Variants in FBXL4 observed in about 807,000 individuals in gnomAD.
FBXL4 encodes F-box/LRR-repeat protein 4.
FBXL4 carries 40 observed loss-of-function variants against 58.9 expected under a neutral mutation model. The observed-to-expected ratio is 0.68, with a 90% confidence interval of 0.53 to 0.88. The LOEUF (loss-of-function observed/expected upper bound fraction) is 0.88. Ranked by LOEUF, FBXL4 falls within the 40% of genes least tolerant of loss-of-function variation. The pLI, the probability that FBXL4 is intolerant of heterozygous loss-of-function variation, is 0.00. For synonymous variants in FBXL4, 263 were observed against 265.5 expected (o/e 0.99, Z 0.09); for missense variants, 676 against 734.4 (o/e 0.92, Z 0.92).
chr6:98,912,303 T>A (rs1237123796), intron 5 of FBXL4, among the ~76,000 whole-genome samples: 2 of 152,060 alleles, frequency 1.3e-5, no homozygotes, highest in African/African-American at 4.8e-5. Flanking sequence ...AGGCCAACAT[T>A]CAGATTCAGG....
intron 4 of FBXL4, among the ~76,000 whole-genome samples, chr6:98,920,898 G>A (rs1284118251): frequency 6.6e-6 from 1 of 151,562 alleles, no homozygotes; most frequent in African/African-American, 2.4e-5. Flanking sequence ...TAGCCCCAGG[G>A]CAGTGTTGAT....
At position 98,871,284 on chromosome 6, in the gene FBXL4, T is replaced by G. The variant is rs1770484532; in HGVS notation, c.*2994A>C. On this transcript the variant is annotated 3_prime_UTR_variant, in exon 10 of 10. Coordinates refer to ENST00000369244, the MANE Select transcript of FBXL4 (RefSeq NM_001278716.2). ...TGGTTGCTTAAAGAATTGAGAACAC[T>G]GGGAACAACATCAACAGTCAATAAA... The G allele has an allele frequency of 1.3e-5, 2 of 152,202 alleles. No homozygotes were observed. The highest frequency in any genetic ancestry group is 4.1e-4 in the South Asian group (2 of 4,824). 9.4% of individuals were successfully genotyped at this position (152,202 alleles called of 1,614,324 possible). A position where few individuals can be genotyped will look rare whatever the true frequency, so the allele number is the denominator to read the frequency against.
intron 2 of FBXL4, among the ~76,000 whole-genome samples, chr6:98,928,860 G>A (rs138534985): frequency 1.3e-5 from 2 of 152,062 alleles, no homozygotes; most frequent in African/African-American, 4.8e-5. Context: ...ACCACTCTTC[G>A]TATTTTACGT....
chr6:98,885,853 G>C (rs572134055), intron 7 of FBXL4, among the ~76,000 whole-genome samples: 2 of 152,298 alleles, frequency 1.3e-5, no homozygotes, highest in African/African-American at 4.8e-5. Context: ...TAAAAAGGCT[G>C]TGGCTCCTGT....
chr6:98,882,391 A>G (rs769735503), intron 7 of FBXL4, among the ~76,000 whole-genome samples: 4 of 152,020 alleles, frequency 2.6e-5, no homozygotes, highest in Non-Finnish European at 5.9e-5. Context: ...AGCACATAAT[A>G]TTGTTCTACA....
chr6:98,898,979 C>T, intron 7 of FBXL4: 1 of 985,364 alleles, frequency 1.0e-6, no homozygotes, highest in African/African-American at 1.7e-5. Context: ...CATTCCCTGC[C>T]AGCATTTTGG....
rs1486946507 is a variant in FBXL4, at chr6:98,893,812, CTG to C, written c.1317+5454_1317+5455del. Among the ~76,000 whole-genome samples the C allele has an allele frequency of 5.3e-5, 8 of 151,176 alleles. No individual in the cohort carries two copies. In the East Asian group the frequency reaches 7.7e-4, roughly 15 times the overall value. On this transcript the variant is annotated intron_variant, in intron 7 of 9. Coordinates refer to ENST00000369244, the MANE Select transcript of FBXL4 (RefSeq NM_001278716.2). Reference sequence around the variant, plus strand: ...GAAATCATTTTTTTTTTCAATTTCTCTGTAAGTCGGAAATTATTTCAAAATAA... The same window carrying C: ...GAAATCATTTTTTTTTTCAATTTCTCTAAGTCGGAAATTATTTCAAAATAA...
chr6:98,947,045 G>A (rs1021965556), intron 1 of FBXL4, among the ~76,000 whole-genome samples: 2 of 152,232 alleles, frequency 1.3e-5, no homozygotes, highest in South Asian at 2.1e-4. Flanking sequence ...GCACCTGGTG[G>A]TAATGTGCCC....
At chr6:98,928,558 G>T (rs141114691) in intron 2 of FBXL4, among the ~76,000 whole-genome samples, 75 of 152,214 alleles carry the variant, frequency 4.9e-4, no homozygotes, top group African/African-American at 1.7e-3. Context: ...TCGAACTCCT[G>T]ACCTCAGGTG....
chr6:98,898,301 T>G lies in FBXL4; in HGVS notation c.1317+967A>C, dbSNP rs938953361. ...ATGCATGCAGCAGAGGGAAAAAGTA[T>G]ATGACAAACAGTATGTACTACAGGG... On this transcript the variant is annotated intron_variant, in intron 7 of 9. Coordinates refer to ENST00000369244, the MANE Select transcript of FBXL4 (RefSeq NM_001278716.2). 3.2e-5 allele frequency: 32 copies of G among 985,184 alleles called. 1 individual carries two copies. The African/African-American group carries it at 5.1e-4, about 16-fold the overall frequency. The allele number at this position is 985,184 out of a possible 1,614,324, so 61.0% of individuals were successfully genotyped here.
chr6:98,877,892 A>G (rs1265445206), intron 8 of FBXL4, among the ~76,000 whole-genome samples: 1 of 152,222 alleles, frequency 6.6e-6, no homozygotes, highest in East Asian at 1.9e-4. Flanking sequence ...CTCTTTCCCA[A>G]TCAAGAGGAA....
chr6:98,901,606 T>C (rs529733845), intron 6 of FBXL4, among the ~76,000 whole-genome samples: 1 of 152,300 alleles, frequency 6.6e-6, no homozygotes, highest in South Asian at 2.1e-4. Context: ...TTGCATATTT[T>C]TACTCTGAGC....
At chr6:98,932,357 C>A (rs1244060674) in intron 2 of FBXL4, among the ~76,000 whole-genome samples, 2 of 152,182 alleles carry the variant, frequency 1.3e-5, no homozygotes, top group African/African-American at 2.4e-5. Context: ...ATGAGACTTT[C>A]ATACTCCTTA....
intron 6 of FBXL4, among the ~76,000 whole-genome samples, 199 bp from the exon 7 acceptor site, chr6:98,899,680 G>A (rs1215980859): frequency 6.6e-6 from 1 of 151,954 alleles, no homozygotes; most frequent in Non-Finnish European, 1.5e-5. Context: ...CAACTTGAGA[G>A]AACAAAATGA....
chr6:98,885,322 G>A (rs924081448), intron 7 of FBXL4, among the ~76,000 whole-genome samples: 1 of 152,074 alleles, frequency 6.6e-6, no homozygotes, highest in Non-Finnish European at 1.5e-5. Context: ...GGATGGTCTC[G>A]ACCTCCTGAC....
At chr6:98,923,410 A>C (rs899849142) in intron 4 of FBXL4, among the ~76,000 whole-genome samples, 2 of 152,220 alleles carry the variant, frequency 1.3e-5, no homozygotes, top group Non-Finnish European at 2.9e-5. Flanking sequence ...TTTAGATCTT[A>C]AGAATGTTAC....
At chr6:98,888,315 G>C (rs907311068) in intron 7 of FBXL4, among the ~76,000 whole-genome samples, 3 of 152,220 alleles carry the variant, frequency 2.0e-5, no homozygotes, top group African/African-American at 7.2e-5. Context: ...AGCTGTGATA[G>C]AGCCCATAGG....
At chr6:98,931,327 G>A (rs1350930597) in intron 2 of FBXL4, among the ~76,000 whole-genome samples, 1 of 152,196 alleles carries the variant, frequency 6.6e-6, no homozygotes, top group African/African-American at 2.4e-5. Flanking sequence ...GCAATATTAT[G>A]TTTAAGCTGT....
chr6:98,907,384 T>C (rs1470078591), intron 5 of FBXL4, among the ~76,000 whole-genome samples: 12 of 152,168 alleles, frequency 7.9e-5, no homozygotes, highest in Admixed American at 7.9e-4. Context: ...AAACCAGCCA[T>C]GGGGCTAATA....
Sources: allele counts gnomAD v4.1 joint callset (sites outside exome capture counted in the v4.1 genomes callset), GRCh38; gene constraint gnomAD v4.1.1; transcripts MANE v1.5; gene names NCBI Gene and HGNC (gene_info 2026-07-23, HGNC 2026-07-21).